The following PTPN13 variants were observed in gnomAD, a reference collection of about 807,000 sequenced individuals.
The protein encoded by PTPN13 is tyrosine-protein phosphatase non-receptor type 13.
Under a neutral mutation model 284.0 loss-of-function variants are expected in PTPN13, and 191 were observed. The ratio of observed to expected loss-of-function variants is 0.67; its 90% CI spans 0.60 to 0.76. The LOEUF (loss-of-function observed/expected upper bound fraction) is 0.76, where lower values mean the gene tolerates loss of function less well. PTPN13 is among the 30% of genes least tolerant of loss of function. The probability of loss-of-function intolerance (pLI) is 0.00; values close to 1 mark genes in which losing one functional copy is unlikely to be tolerated. For synonymous variants in PTPN13, 986 were observed against 1,022.3 expected (o/e 0.96, Z 0.68); for missense variants, 2,797 against 2,939.9 (o/e 0.95, Z 1.12).
intron 2 of PTPN13, among the ~76,000 whole-genome samples, chr4:86,657,202 G>A (rs1242724650): frequency 2.6e-5 from 4 of 152,142 alleles, no homozygotes; most frequent in African/African-American, 7.2e-5. Context: ...GTCCTGCTTC[G>A]GCTCATGCTC....
intron 1 of PTPN13, among the ~76,000 whole-genome samples, chr4:86,607,510 G>T (rs1178806573): frequency 6.6e-6 from 1 of 151,960 alleles, no homozygotes; most frequent in Non-Finnish European, 1.5e-5. Flanking sequence ...TGAAGTAAAT[G>T]CTGTTATTCT....
chr4:86,596,032 A>G (rs939425337), intron 1 of PTPN13, among the ~76,000 whole-genome samples: 1 of 152,176 alleles, frequency 6.6e-6, no homozygotes, highest in Non-Finnish European at 1.5e-5. Flanking sequence ...AAATTCATAC[A>G]TATATTGATT....
intron 10 of PTPN13, among the ~76,000 whole-genome samples, chr4:86,730,242 G>T (rs2149120788): frequency 6.7e-6 from 1 of 149,840 alleles, no homozygotes; most frequent in African/African-American, 2.4e-5. Flanking sequence ...GTGTCTGTCA[G>T]CCTCTACTGG....
chr4:86,651,615 C>A (rs948012992), intron 2 of PTPN13, among the ~76,000 whole-genome samples: 3 of 152,132 alleles, frequency 2.0e-5, no homozygotes, highest in South Asian at 2.1e-4. Context: ...AGGTCCTGGG[C>A]TTTTCTTTGA....
At chr4:86,749,420 T>C (rs749225039) in intron 17 of PTPN13, among the ~76,000 whole-genome samples, 6 of 152,180 alleles carry the variant, frequency 3.9e-5, no homozygotes, top group Non-Finnish European at 8.8e-5. Flanking sequence ...AACTTAGTTC[T>C]GTGTAGAATG....
intron 6 of PTPN13, among the ~76,000 whole-genome samples, chr4:86,695,266 CA>C (rs975827210): frequency 6.6e-6 from 1 of 151,488 alleles, no homozygotes; most frequent in Non-Finnish European, 1.5e-5. Context: ...ATATATGGGC[CA>C]AAAAAATAAC....
At chr4:86,718,792 G>A (rs564992191) in intron 9 of PTPN13, among the ~76,000 whole-genome samples, 1 of 151,964 alleles carries the variant, frequency 6.6e-6, no homozygotes, top group South Asian at 2.1e-4. Context: ...TTTGTTTTTT[G>A]TACTTTTTAA....
intron 35 of PTPN13, among the ~76,000 whole-genome samples, chr4:86,777,340 G>A (rs1740774962): frequency 1.3e-5 from 2 of 152,124 alleles, no homozygotes; most frequent in South Asian, 4.2e-4. Flanking sequence ...TTCAAAGCTA[G>A]GAACTGCAGC....
Position 86,785,303 on chromosome 4 carries a change from T to C in PTPN13, c.6191T>C (p.Val2064Ala). Residue 2064 changes from valine to alanine, a missense_variant, in exon 39 of 48, where the codon GTT becomes GCT. Physicochemically the swap from Val to Ala is moderately conservative, Grantham distance 64 (BLOSUM62 0). Transcript: ENST00000411767. ...GAAGTTATCCAGTCTCTGCTGGATG[T>C]TGTGGATGAGGAAGCCCAGAATCTT... ...EAEVIQSLLD[V>A]VDEEAQNLLN... 1.9e-6 allele frequency: 3 copies of C among 1,609,002 alleles called. No individual in the cohort carries two copies. Among genetic ancestry groups the C allele is most frequent in the Non-Finnish European group, 2.6e-6 (3 of 1,176,210 alleles).
chr4:86,706,697 G>C (rs1731803291), intron 7 of PTPN13, among the ~76,000 whole-genome samples: 1 of 152,136 alleles, frequency 6.6e-6, no homozygotes, highest in Non-Finnish European at 1.5e-5. Context: ...TCTCAAGAAA[G>C]AAATTGTAGT....
intron 2 of PTPN13, among the ~76,000 whole-genome samples, chr4:86,636,300 G>T (rs546466870): frequency 6.6e-6 from 1 of 152,298 alleles, no homozygotes; most frequent in African/African-American, 2.4e-5. Context: ...TGGTTTTGCG[G>T]CATTGTGGAG....
At chr4:86,696,136 A>C (rs199854933) in intron 6 of PTPN13, among the ~76,000 whole-genome samples, 2 of 152,006 alleles carry the variant, frequency 1.3e-5, no homozygotes, top group East Asian at 3.8e-4. Flanking sequence ...CTACTTGATA[A>C]CATATTTTTA....
At chr4:86,659,558 G>A (rs1049713497) in intron 2 of PTPN13, among the ~76,000 whole-genome samples, 1 of 152,156 alleles carries the variant, frequency 6.6e-6, no homozygotes, top group African/African-American at 2.4e-5. Flanking sequence ...GCTCACACCT[G>A]TAATCCCAGC....
chr4:86,689,098 G>T lies in PTPN13; in HGVS notation c.454G>T (p.Ala152Ser), dbSNP rs377719957. Residue 152 changes from alanine to serine, a missense_variant, in exon 5 of 48, where the codon GCT becomes TCT. By Grantham distance (99) the Ala-to-Ser change is moderately conservative. Transcript: ENST00000411767. The stretch of plus-strand genomic sequence containing the variant: ...AGTTTCTGTTCGGACTGTGCTGGAT[G>T]CTTGCAGTGCCCACATTAGGAATAG... ...ARVSVRTVLDACSAHIRNSNC... is the reference protein window; with the variant it reads ...ARVSVRTVLDSCSAHIRNSNC... The T allele has an allele frequency of 6.2e-7, 1 of 1,608,580 alleles. No individual in the cohort carries two copies. Among genetic ancestry groups the T allele is most frequent in the African/African-American group, 1.3e-5 (1 of 74,806 alleles).
chr4:86,619,106 G>A (rs145933175), intron 1 of PTPN13, among the ~76,000 whole-genome samples: 41 of 152,288 alleles, frequency 2.7e-4, no homozygotes, highest in Non-Finnish European at 5.1e-4. Context: ...CCAATCAGTG[G>A]CAGAGAGCTA....
At chr4:86,744,510 C>T (rs1173707301) in intron 16 of PTPN13, among the ~76,000 whole-genome samples, 1 of 152,108 alleles carries the variant, frequency 6.6e-6, no homozygotes, top group Non-Finnish European at 1.5e-5. Flanking sequence ...TTATTTCTTG[C>T]ATTTGTTTAT....
At chr4:86,747,528 A>C (rs1034244392) in intron 17 of PTPN13, among the ~76,000 whole-genome samples, 2 of 151,640 alleles carry the variant, frequency 1.3e-5, no homozygotes, top group Admixed American at 1.3e-4. Context: ...TAATAGCGGT[A>C]ATAGTAGCAG....
At chr4:86,727,134 GA>G (rs1299480346) in intron 10 of PTPN13, among the ~76,000 whole-genome samples, 2 of 149,472 alleles carry the variant, frequency 1.3e-5, no homozygotes, top group African/African-American at 4.9e-5. Flanking sequence ...TGCCTATGTT[GA>G]ACCAGCCTTG....
chr4:86,684,291 A>G (rs1027505283), intron 3 of PTPN13, among the ~76,000 whole-genome samples: 1 of 152,198 alleles, frequency 6.6e-6, no homozygotes, highest in Admixed American at 6.5e-5. Flanking sequence ...TCACTGGCCT[A>G]TCAGTAATGG....
Sources: gnomAD v4.1 joint callset for allele counts (sites outside exome capture counted in the v4.1 genomes callset) on GRCh38, gnomAD v4.1.1 for gene constraint, MANE v1.5 for transcripts, NCBI Gene and HGNC (gene_info 2026-07-23, HGNC 2026-07-21) for gene names.